CDK19: variants seen among roughly 807,000 people sequenced by gnomAD.
CDK19 encodes the protein cyclin dependent kinase 19, also known as cyclin-dependent kinase 19.
CDK19 carries 20 observed loss-of-function variants against 68.3 expected under a neutral mutation model. The observed-to-expected ratio is 0.29, with a 90% CI of 0.21 to 0.43. The LOEUF is 0.43. Among genes scored for constraint, CDK19 ranks in the 20% least tolerant of loss-of-function variants. CDK19 has a pLI of 1.00. For synonymous variants in CDK19, 221 were observed against 222.8 expected, an observed-to-expected ratio of 0.99 and a Z score of 0.07; for missense variants, 339 against 623.5, an observed-to-expected ratio of 0.54 and a Z score of 4.86.
At chr6:110,639,903 T>C (rs1780023153) in intron 4 of CDK19, among the ~76,000 whole-genome samples, 1 of 152,012 alleles carries the variant, frequency 6.6e-6, no homozygotes, top group Non-Finnish European at 1.5e-5. Context: ...TATGACCAGG[T>C]ATGCATAAGA....
chr6:110,654,834 G>C (rs1781202097), intron 4 of CDK19, among the ~76,000 whole-genome samples: 1 of 151,980 alleles, frequency 6.6e-6, no homozygotes, highest in Admixed American at 6.5e-5. Context: ...CCAGCTACTC[G>C]GGAGGCTAAG....
In CDK19 at chr6:110,610,444, T is replaced by A. The variant is rs1562113167; in HGVS notation, c.*4091A>T. The A allele has an allele frequency of 6.6e-6, 1 of 152,522 alleles. No individual in the cohort carries two copies. Among genetic ancestry groups the A allele is most frequent in the Non-Finnish European group, 1.5e-5 (1 of 68,030 alleles). 9.4% of individuals were successfully genotyped at this position (152,522 alleles called of 1,614,324 possible). ...TTTAAAAAAATTAAATAGTATTAAT[T>A]TACTAAATATTTAGGAGATAACAGT... On this transcript the variant is annotated 3_prime_UTR_variant, in exon 13 of 13. Coordinates refer to ENST00000368911, the MANE Select transcript of CDK19 (RefSeq NM_015076.5).
chr6:110,727,740 A>G (rs1201139044), intron 2 of CDK19, among the ~76,000 whole-genome samples: 3 of 152,046 alleles, frequency 2.0e-5, no homozygotes, highest in Admixed American at 1.3e-4. Context: ...TGGAAGGCCA[A>G]GGCAGGCAGA....
At chr6:110,670,570 T>C (rs750032877) in intron 2 of CDK19, 29 bp from the exon 3 acceptor site, 1 of 1,301,284 alleles carries the variant, frequency 7.7e-7, no homozygotes, top group Admixed American at 1.7e-5. Context: ...GAGGGGTCAC[T>C]GTTGTGTTAG....
intron 1 of CDK19, among the ~76,000 whole-genome samples, chr6:110,746,488 T>C (rs1778087777): frequency 6.6e-6 from 1 of 152,124 alleles, no homozygotes; most frequent in Non-Finnish European, 1.5e-5. Context: ...TAAACAAGCA[T>C]AAATATAAAC....
intron 1 of CDK19, among the ~76,000 whole-genome samples, chr6:110,777,158 G>A (rs1348639424): frequency 2.0e-5 from 3 of 152,140 alleles, no homozygotes; most frequent in Non-Finnish European, 4.4e-5. Context: ...CTCAGCATAT[G>A]CAACATTTTC....
At chr6:110,754,636 T>G (rs1281613810) in intron 1 of CDK19, among the ~76,000 whole-genome samples, 3 of 152,014 alleles carry the variant, frequency 2.0e-5, no homozygotes, top group Non-Finnish European at 4.4e-5. Flanking sequence ...CGCGCAACCA[T>G]GCCCAGCTAA....
At chr6:110,814,063 T>A (rs1308259097) in intron 1 of CDK19, 1 of 156,718 alleles carries the variant, frequency 6.4e-6, no homozygotes, top group Non-Finnish European at 1.4e-5. Context: ...ATTATCCAGC[T>A]CTTCTTAAGA....
chr6:110,814,805 G>A (rs975727568), intron 1 of CDK19: 14 of 701,418 alleles, frequency 2.0e-5, no homozygotes, highest in Non-Finnish European at 3.5e-5. Context: ...GCTGCGCCGC[G>A]GGAGTTCGAG....
chr6:110,693,404 A>C (rs1416132588), intron 2 of CDK19, among the ~76,000 whole-genome samples: 2 of 152,230 alleles, frequency 1.3e-5, no homozygotes, highest in Non-Finnish European at 2.9e-5. Context: ...AAAGTAGAAG[A>C]AGCAGTGGAA....
chr6:110,783,854 A>G (rs1375596731), intron 1 of CDK19, among the ~76,000 whole-genome samples: 1 of 152,038 alleles, frequency 6.6e-6, no homozygotes, highest in African/African-American at 2.4e-5. Flanking sequence ...CAAAGAAGTG[A>G]ATCATCAAGA....
chr6:110,714,744 A>C (rs201142387), intron 2 of CDK19, among the ~76,000 whole-genome samples: 11 of 53,438 alleles, frequency 2.1e-4, no homozygotes, highest in Admixed American at 6.0e-4. Context: ...TTTTTTTTTT[A>C]ATTTTTTGAG....
chr6:110,776,211 C>T (rs1583074153), intron 1 of CDK19, among the ~76,000 whole-genome samples: 1 of 151,954 alleles, frequency 6.6e-6, no homozygotes, highest in African/African-American at 2.4e-5. Context: ...GGTGGATCAC[C>T]TGAGGTCAGG....
At chr6:110,700,800 GACTC>G (rs2114633785) in intron 2 of CDK19, 1 of 197,422 alleles carries the variant, frequency 5.1e-6, no homozygotes, top group Non-Finnish European at 1.1e-5. Context: ...ATCCAAAAGT[GACTC>G]ACTGACTTGC....
At chr6:110,786,581 T>C (rs1443893222) in intron 1 of CDK19, among the ~76,000 whole-genome samples, 2 of 152,108 alleles carry the variant, frequency 1.3e-5, no homozygotes, top group South Asian at 2.1e-4. Context: ...ATGTAGACAA[T>C]CCTTTCCATA....
intron 2 of CDK19, among the ~76,000 whole-genome samples, chr6:110,674,527 A>G (rs1201442461): frequency 1.3e-5 from 2 of 152,204 alleles, no homozygotes; most frequent in Non-Finnish European, 2.9e-5. Flanking sequence ...CACAAAGATA[A>G]GAAAGCAAAA....
At chr6:110,675,666 A>G (rs868560440) in intron 2 of CDK19, among the ~76,000 whole-genome samples, 1 of 150,986 alleles carries the variant, frequency 6.6e-6, no homozygotes, top group African/African-American at 2.4e-5. Flanking sequence ...TGCTAAATCT[A>G]CTCTACCTGT....
intron 4 of CDK19, among the ~76,000 whole-genome samples, chr6:110,659,986 G>T (rs1781519579): frequency 6.6e-6 from 1 of 152,072 alleles, no homozygotes; most frequent in Non-Finnish European, 1.5e-5. Flanking sequence ...CAGGATCCAG[G>T]TATCATTTAA....
At chr6:110,785,578 T>G (rs923579421) in intron 1 of CDK19, among the ~76,000 whole-genome samples, 5 of 152,048 alleles carry the variant, frequency 3.3e-5, no homozygotes, top group African/African-American at 9.7e-5. Context: ...TCACATTGAG[T>G]CGGCTGAGAA....
Sources: gnomAD v4.1 joint callset for allele counts (sites outside exome capture counted in the v4.1 genomes callset) on GRCh38, gnomAD v4.1.1 for gene constraint, MANE v1.5 for transcripts, NCBI Gene and HGNC (gene_info 2026-07-23, HGNC 2026-07-21) for gene names.